Variants in STPG2 observed in about 807,000 individuals in gnomAD.
STPG2 encodes sperm tail PG-rich repeat containing 2.
Under a neutral mutation model 54.2 loss-of-function variants are expected in STPG2, and 56 were observed. The observed-to-expected ratio is 1.03, with a 90% CI of 0.83 to 1.29. The LOEUF is 1.29. Ranked by LOEUF, STPG2 falls within the 50% of genes most tolerant of loss-of-function variation. STPG2 has a pLI of 0.00. For missense variants in STPG2, 596 were observed against 544.9 expected (o/e 1.09, Z -0.93); for synonymous variants, 200 against 181.8 (o/e 1.10, Z -0.81).
chr4:97,747,392 T>C (rs1041203959), intron 9 of STPG2, among the ~76,000 whole-genome samples: 2 of 151,398 alleles, frequency 1.3e-5, no homozygotes, highest in African/African-American at 2.4e-5. Flanking sequence ...AACTCCTATC[T>C]ACTCTCAACG....
chr4:97,924,193 G>A (rs924647477), intron 8 of STPG2, among the ~76,000 whole-genome samples: 4 of 152,136 alleles, frequency 2.6e-5, no homozygotes, highest in African/African-American at 4.8e-5. Context: ...AACATCAGAA[G>A]GAACAAACTC....
chr4:97,635,739 AAAG>A (rs1721494122), intron 10 of STPG2, among the ~76,000 whole-genome samples: 1 of 152,140 alleles, frequency 6.6e-6, no homozygotes, highest in African/African-American at 2.4e-5. Context: ...CGAAAGAGAC[AAAG>A]AAGGCCATTA....
chr4:97,689,736 A>T (rs2148987204), intron 10 of STPG2, among the ~76,000 whole-genome samples: 1 of 152,270 alleles, frequency 6.6e-6, no homozygotes, highest in South Asian at 2.1e-4. Context: ...TTTAGTTTTT[A>T]ATCATTTAAT....
At chr4:97,793,943 T>C (rs1727086726) in intron 9 of STPG2, among the ~76,000 whole-genome samples, 1 of 152,082 alleles carries the variant, frequency 6.6e-6, no homozygotes, top group Non-Finnish European at 1.5e-5. Flanking sequence ...ATAATTCATA[T>C]ACTTTTCCAT....
At chr4:97,772,893 G>A (rs72879585) in intron 9 of STPG2, among the ~76,000 whole-genome samples, 19,445 of 152,138 alleles carry the variant, frequency 0.13, 1,903 homozygotes, top group African/African-American at 0.26. Context: ...TGTCATTTTG[G>A]AAGCCTGTAC....
chr4:97,515,161 G>A (rs972944151), intron 4 of STPG2, among the ~76,000 whole-genome samples: 1 of 152,034 alleles, frequency 6.6e-6, no homozygotes, highest in Non-Finnish European at 1.5e-5. Flanking sequence ...TTTCAGAGAT[G>A]AAAACCTTAC....
chr4:97,549,219 C>T (rs1191498352), intron 4 of STPG2, among the ~76,000 whole-genome samples: 3 of 152,150 alleles, frequency 2.0e-5, no homozygotes, highest in Admixed American at 6.5e-5. Flanking sequence ...ATAAGGTATA[C>T]ATTACACCAT....
intron 8 of STPG2, among the ~76,000 whole-genome samples, chr4:97,926,780 T>C (rs1205187803): frequency 6.6e-6 from 1 of 152,056 alleles, no homozygotes; most frequent in Non-Finnish European, 1.5e-5. Context: ...AAAAGAGACA[T>C]GTTCTTCATT....
intron 10 of STPG2, among the ~76,000 whole-genome samples, chr4:97,566,819 A>G (rs369878469): frequency 0.021 from 3,085 of 146,816 alleles, 96 homozygotes; most frequent in African/African-American, 0.076. Context: ...ACTCATAGGT[A>G]GGAACTGAAC....
chr4:97,933,165 T>C (rs978567517), intron 8 of STPG2, among the ~76,000 whole-genome samples: 13 of 152,222 alleles, frequency 8.5e-5, no homozygotes, highest in Non-Finnish European at 1.8e-4. Context: ...ATAAATGTCT[T>C]CTTTTGAGAA....
intron 4 of STPG2, among the ~76,000 whole-genome samples, chr4:97,552,842 C>T (rs772578298): frequency 3.9e-5 from 6 of 152,150 alleles, no homozygotes; most frequent in Admixed American, 6.5e-5. Flanking sequence ...TTATTTTCCA[C>T]GATACTAGTA....
At chr4:97,687,313 A>G (rs994625367) in intron 10 of STPG2, among the ~76,000 whole-genome samples, 1 of 128,016 alleles carries the variant, frequency 7.8e-6, no homozygotes, top group Non-Finnish European at 1.6e-5. Flanking sequence ...AAGTGTATGC[A>G]CTGAATCTTT....
At chr4:97,827,523 C>T (rs1728300385) in intron 9 of STPG2, among the ~76,000 whole-genome samples, 1 of 152,194 alleles carries the variant, frequency 6.6e-6, no homozygotes, top group Non-Finnish European at 1.5e-5. Flanking sequence ...GCATGAGCCA[C>T]TGCACCCGGC....
At chr4:97,748,404 G>T (rs1164720611) in intron 9 of STPG2, among the ~76,000 whole-genome samples, 1 of 151,510 alleles carries the variant, frequency 6.6e-6, no homozygotes, top group Non-Finnish European at 1.5e-5. Context: ...AAAGGTTAGT[G>T]CATTGAAAGA....
At chr4:97,696,118 C>T (rs1001666227) in intron 10 of STPG2, among the ~76,000 whole-genome samples, 2 of 152,128 alleles carry the variant, frequency 1.3e-5, no homozygotes, top group African/African-American at 4.8e-5. Context: ...TCAAACTATA[C>T]TATAAGGCCA....
At chr4:97,937,554 G>A (rs1168326426) in intron 8 of STPG2, among the ~76,000 whole-genome samples, 1 of 152,180 alleles carries the variant, frequency 6.6e-6, no homozygotes, top group East Asian at 1.9e-4. Flanking sequence ...ACCTTTGGAT[G>A]AGGTTTTTGT....
At chr4:97,537,755 G>A (rs2148858142) in intron 4 of STPG2, among the ~76,000 whole-genome samples, 1 of 152,232 alleles carries the variant, frequency 6.6e-6, no homozygotes, top group Non-Finnish European at 1.5e-5. Context: ...CCTCAAGTGG[G>A]TCCCTGACCC....
chr4:97,779,580 C>T (rs1578556431), intron 9 of STPG2, among the ~76,000 whole-genome samples: 2 of 152,012 alleles, frequency 1.3e-5, no homozygotes, highest in South Asian at 4.1e-4. Context: ...CATACAGAGA[C>T]CACCACAAAG....
chr4:97,844,028 T>TA (rs1728875078), intron 8 of STPG2, among the ~76,000 whole-genome samples: 1 of 151,826 alleles, frequency 6.6e-6, no homozygotes, highest in Non-Finnish European at 1.5e-5. Context: ...TCAGGAGGTA[T>TA]GAAACCTCCT....
Sources: allele counts gnomAD v4.1 joint callset (sites outside exome capture counted in the v4.1 genomes callset), GRCh38; gene constraint gnomAD v4.1.1; transcripts MANE v1.5; gene names NCBI Gene and HGNC (gene_info 2026-07-23, HGNC 2026-07-21).